The following ST6GALNAC3 variants were observed in gnomAD, a reference collection of about 807,000 sequenced individuals.
ST6GALNAC3 encodes alpha-N-acetylgalactosaminide alpha-2,6-sialyltransferase 3.
Under a neutral mutation model 32.7 loss-of-function variants are expected in ST6GALNAC3, and 25 were observed. That is an observed-to-expected ratio of 0.76 (90% CI 0.56 to 1.07). ST6GALNAC3 has a LOEUF of 1.07. Ranked by LOEUF, ST6GALNAC3 falls within the 50% of genes least tolerant of loss-of-function variation. The pLI is 0.00. For synonymous variants in ST6GALNAC3, 129 were observed against 133.1 expected, an observed-to-expected ratio of 0.97 and a Z score of 0.21; for missense variants, 355 against 382.4, an observed-to-expected ratio of 0.93 and a Z score of 0.60.
intron 3 of ST6GALNAC3, among the ~76,000 whole-genome samples, chr1:76,525,337 G>C (rs915661740): frequency 6.6e-6 from 1 of 152,060 alleles, no homozygotes; most frequent in African/African-American, 2.4e-5. Context: ...CTGTCAACTT[G>C]AAGAACTTCA....
chr1:76,097,028 C>T (rs188486560), intron 1 of ST6GALNAC3, among the ~76,000 whole-genome samples: 1,860 of 151,672 alleles, frequency 0.012, 19 homozygotes, highest in Admixed American at 0.023. Context: ...AAGCGATTCT[C>T]CTGCCTCAGC....
chr1:76,184,436 G>A (rs985770632), intron 1 of ST6GALNAC3, among the ~76,000 whole-genome samples: 1 of 151,910 alleles, frequency 6.6e-6, no homozygotes, highest in African/African-American at 2.4e-5. Flanking sequence ...CCACTTGGGA[G>A]GCCGAGGCAG....
At chr1:76,283,664 T>C (rs1659621987) in intron 1 of ST6GALNAC3, among the ~76,000 whole-genome samples, 1 of 152,262 alleles carries the variant, frequency 6.6e-6, no homozygotes, top group African/African-American at 2.4e-5. Context: ...TGACTTTAAA[T>C]AATCAGATTA....
At chr1:76,332,298 C>A (rs577290284) in intron 2 of ST6GALNAC3, among the ~76,000 whole-genome samples, 1 of 152,168 alleles carries the variant, frequency 6.6e-6, no homozygotes, top group Non-Finnish European at 1.5e-5. Context: ...AGTTTCTATT[C>A]ACTGAAGTTG....
intron 3 of ST6GALNAC3, among the ~76,000 whole-genome samples, chr1:76,511,526 T>C (rs1223096956): frequency 6.6e-6 from 1 of 152,214 alleles, no homozygotes; most frequent in African/African-American, 2.4e-5. Flanking sequence ...CGGGTATTTA[T>C]GCCTCTGTTC....
intron 1 of ST6GALNAC3, among the ~76,000 whole-genome samples, chr1:76,195,867 G>A (rs1654175195): frequency 6.6e-6 from 1 of 150,966 alleles, no homozygotes; most frequent in Admixed American, 6.6e-5. Flanking sequence ...TCAAGAATTA[G>A]GGAATTTGAA....
intron 2 of ST6GALNAC3, among the ~76,000 whole-genome samples, chr1:76,321,614 A>G (rs1229970152): frequency 6.6e-6 from 1 of 152,112 alleles, no homozygotes; most frequent in Non-Finnish European, 1.5e-5. Flanking sequence ...CCAAATCTGC[A>G]CTCTCAAACC....
chr1:76,235,260 C>A (rs1298305829), intron 1 of ST6GALNAC3, among the ~76,000 whole-genome samples: 1 of 152,188 alleles, frequency 6.6e-6, no homozygotes, highest in African/African-American at 2.4e-5. Flanking sequence ...AATCCCAGCA[C>A]TTTGGGAGGC....
At chr1:76,326,472 T>C (rs886414189) in intron 2 of ST6GALNAC3, among the ~76,000 whole-genome samples, 13 of 152,200 alleles carry the variant, frequency 8.5e-5, no homozygotes, top group South Asian at 2.1e-4. Flanking sequence ...CATTCACCAT[T>C]CTGGTGGAAT....
intron 1 of ST6GALNAC3, among the ~76,000 whole-genome samples, chr1:76,249,810 T>C (rs1418751159): frequency 2.6e-5 from 4 of 152,220 alleles, no homozygotes; most frequent in African/African-American, 9.6e-5. Context: ...TCAGTGACTA[T>C]GAAGTGTGTC....
At chr1:76,502,634 C>T (rs1661240345) in intron 3 of ST6GALNAC3, among the ~76,000 whole-genome samples, 1 of 152,148 alleles carries the variant, frequency 6.6e-6, no homozygotes. Context: ...ATCCTAACAA[C>T]CAAGTAAGTT....
chr1:76,225,750 G>A (rs922534666), intron 1 of ST6GALNAC3, among the ~76,000 whole-genome samples: 1 of 152,160 alleles, frequency 6.6e-6, no homozygotes, highest in Non-Finnish European at 1.5e-5. Flanking sequence ...CAATAGAGAT[G>A]AAATGATGAC....
chr1:76,122,387 C>G (rs1648937426), intron 1 of ST6GALNAC3, among the ~76,000 whole-genome samples: 3 of 152,176 alleles, frequency 2.0e-5, no homozygotes, highest in African/African-American at 7.2e-5. Context: ...AAATATCAGT[C>G]AGCACAGGTC....
At chr1:76,283,772 T>A (rs1261455326) in intron 1 of ST6GALNAC3, among the ~76,000 whole-genome samples, 2 of 152,222 alleles carry the variant, frequency 1.3e-5, no homozygotes, top group African/African-American at 4.8e-5. Flanking sequence ...GGCATCAACT[T>A]TAGTGTTTTC....
intron 2 of ST6GALNAC3, among the ~76,000 whole-genome samples, chr1:76,389,432 A>G (rs1270379461): frequency 6.6e-6 from 1 of 152,176 alleles, no homozygotes; most frequent in African/African-American, 2.4e-5. Context: ...TTGGGGGTTA[A>G]CACAAGTAGT....
intron 3 of ST6GALNAC3, among the ~76,000 whole-genome samples, chr1:76,605,544 G>GA (rs542445218): frequency 8.0e-5 from 12 of 149,762 alleles, no homozygotes; most frequent in Middle Eastern, 3.4e-3. Flanking sequence ...AAATTTACAA[G>GA]AAAAAAAAAC....
intron 3 of ST6GALNAC3, among the ~76,000 whole-genome samples, chr1:76,592,676 T>C (rs1395740319): frequency 6.6e-6 from 1 of 152,136 alleles, no homozygotes; most frequent in East Asian, 1.9e-4. Flanking sequence ...TCCTACTCAC[T>C]GAGGGCCCTG....
chr1:76,115,104 G>T (rs1648369697), intron 1 of ST6GALNAC3, among the ~76,000 whole-genome samples: 1 of 152,096 alleles, frequency 6.6e-6, no homozygotes, highest in Admixed American at 6.5e-5. Context: ...GTATTTTGTT[G>T]TCTGTCCTTC....
In ST6GALNAC3 at chr1:76,586,066, A is replaced by T. The variant is rs114030277; in HGVS notation, c.624-41386A>T. Among the ~76,000 whole-genome samples the T allele has an allele frequency of 5.9e-3, 906 of 152,302 alleles. 17 individuals are homozygous for T. The highest frequency in any genetic ancestry group is 0.02 in the African/African-American group (835 of 41,558). On this transcript the variant is annotated intron_variant, in intron 3 of 4. Coordinates refer to ENST00000328299, the MANE Select transcript of ST6GALNAC3 (RefSeq NM_152996.4). The stretch of plus-strand genomic sequence containing the variant: ...TTTCAACTACTTTGAAATGATTATC[A>T]TCAAATTCTGTGGACTCTGTTTTGG...
Sources: allele counts gnomAD v4.1 joint callset (sites outside exome capture counted in the v4.1 genomes callset), GRCh38; gene constraint gnomAD v4.1.1; transcripts MANE v1.5; gene names NCBI Gene and HGNC (gene_info 2026-07-23, HGNC 2026-07-21).